LAMC2: variants seen among roughly 807,000 people sequenced by gnomAD.
The protein encoded by LAMC2 is laminin subunit gamma 2, also known as laminin subunit gamma-2.
In LAMC2, 97 loss-of-function variants were observed where a neutral mutation model predicts 140.2. The observed-to-expected ratio is 0.69, with a 90% CI of 0.59 to 0.82. The LOEUF (loss-of-function observed/expected upper bound fraction) is 0.82, where lower values mean the gene tolerates loss of function less well. Ranked by LOEUF, LAMC2 falls within the 40% of genes least tolerant of loss-of-function variation. The pLI, the probability that LAMC2 is intolerant of heterozygous loss-of-function variation, is 0.00. For missense variants in LAMC2, 1,402 were observed against 1,476.1 expected, an observed-to-expected ratio of 0.95 and a Z score of 0.82; for synonymous variants, 513 against 540.2, an observed-to-expected ratio of 0.95 and a Z score of 0.70.
chr1:183,203,289 C>A (rs138606937), intron 1 of LAMC2, among the ~76,000 whole-genome samples: 35 of 152,304 alleles, frequency 2.3e-4, no homozygotes, highest in African/African-American at 7.2e-4. Flanking sequence ...AGAATCCCCA[C>A]CACTTCCTGT....
Position 183,227,657 on chromosome 1 carries a change from G to C in LAMC2, c.1428G>C (p.Thr476=). The change falls in exon 10 of 23, where the codon ACG becomes ACC. Residue 476 remains threonine (T), a synonymous_variant. Coordinates refer to ENST00000264144, the MANE Select transcript of LAMC2 (RefSeq NM_005562.3). ...TCAGCTGCTCAGTGATGCCGGAGAC[G>C]GAGGAGGTGGTGTGCAATAACTGCC... ...NGFSCSVMPE[T]EEVVCNNCPP... 1 of 1,614,126 alleles carries C rather than the reference G, an allele frequency of 6.2e-7. No homozygotes were observed. The highest frequency in any genetic ancestry group is 1.1e-5 in the South Asian group (1 of 91,076).
rs1458701504 is a variant in LAMC2 at position 183,215,591 on chromosome 1, G to A, written c.404+3G>A. The A allele has an allele frequency of 6.2e-7, 1 of 1,614,122 alleles. No individual in the cohort carries two copies. On this transcript the variant is annotated splice_donor_region_variant and intron_variant, in intron 3 of 22. Coordinates refer to ENST00000264144, the MANE Select transcript of LAMC2 (RefSeq NM_005562.3). ...TGCACCCAAGACCAGAGACTGCTGT[G>A]AGTATTTGCATCCCACCATGGCTGT...
In LAMC2 at chr1:183,222,644, T is replaced by C. The variant is rs150019522; in HGVS notation, c.763+433T>C. Among the ~76,000 whole-genome samples the C allele has an allele frequency of 5.3e-3, 811 of 152,218 alleles. 5 individuals are homozygous for C. Among genetic ancestry groups the C allele is most frequent in the Middle Eastern group, 0.024 (7 of 294 alleles). ...TTGGTGGAAAAGCGCTGGCTAGAATTCCGATCCCAGTTCGTTTCCTTAGCT... is the reference window on the plus strand; with the variant it reads ...TTGGTGGAAAAGCGCTGGCTAGAATCCCGATCCCAGTTCGTTTCCTTAGCT... On this transcript the variant is annotated intron_variant, in intron 6 of 22. Coordinates refer to ENST00000264144, the MANE Select transcript of LAMC2 (RefSeq NM_005562.3).
rs1571541679 is a variant in LAMC2, at chr1:183,239,370, A to C, written c.2876A>C (p.Asp959Ala). The C allele has an allele frequency of 6.2e-7, 1 of 1,613,974 alleles. No homozygotes were observed. Among genetic ancestry groups the C allele is most frequent in the South Asian group, 1.1e-5 (1 of 91,082 alleles). Residue 959 changes from aspartate (D) to alanine (A), a missense_variant, in exon 20 of 23, where the codon GAC (aspartate) becomes GCC (alanine). Asp to Ala is a moderately radical substitution (Grantham distance 126, BLOSUM62 -2). Transcript: ENST00000264144. ...ESILKNLREF[D>A]LQVDNRKAEA... The stretch of plus-strand genomic sequence containing the variant: ...TTTCTTTTCTTCATTTCAGAGTTTG[A>C]CCTGCAGGTGGACAACAGAAAAGCA...
chr1:183,200,268 TAA>T (rs777893212), intron 1 of LAMC2, among the ~76,000 whole-genome samples: 60 of 152,008 alleles, frequency 3.9e-4, no homozygotes, highest in Non-Finnish European at 7.2e-4. Context: ...TGGGTGCCTG[TAA>T]TCCCAGCTAC....
chr1:183,225,995 A>T (rs1659613871), intron 8 of LAMC2, among the ~76,000 whole-genome samples: 1 of 152,228 alleles, frequency 6.6e-6, no homozygotes, highest in Non-Finnish European at 1.5e-5. Flanking sequence ...TTAAGTGAGA[A>T]AGATAATCTA....
chr1:183,191,208 G>A (rs1457719280), intron 1 of LAMC2, among the ~76,000 whole-genome samples: 1 of 151,648 alleles, frequency 6.6e-6, no homozygotes, highest in Admixed American at 6.6e-5. Flanking sequence ...TTTTTCCTGA[G>A]GGATAATTTT....
chr1:183,232,611 C>T, intron 13 of LAMC2, 41 bp from the exon 14 acceptor site: 1 of 1,557,350 alleles, frequency 6.4e-7, no homozygotes, highest in South Asian at 1.1e-5. Context: ...TCTATGCTGA[C>T]CCAGAAAGTG....
the LAMC2 span, chr1:183,252,353 C>G: frequency 1.2e-5 from 5 of 406,504 alleles, no homozygotes; most frequent in South Asian, 1.3e-4. Flanking sequence ...CTCTCTAGAG[C>G]ATGCTGGGAG....
At chr1:183,236,236 A>G (rs1386245577) in intron 16 of LAMC2, among the ~76,000 whole-genome samples, 13 of 151,698 alleles carry the variant, frequency 8.6e-5, no homozygotes, top group African/African-American at 2.2e-4. Flanking sequence ...TTAAAAAAAA[A>G]GGGGGGGCCA....
At chr1:183,242,710 T>C (rs1189430355) in intron 22 of LAMC2, among the ~76,000 whole-genome samples, 2 of 152,208 alleles carry the variant, frequency 1.3e-5, no homozygotes. Context: ...GGTCTTCTAA[T>C]AGAAAACAGC....
At chr1:183,231,225 T>G in intron 12 of LAMC2, 122 bp downstream of exon 12, 1 of 1,145,154 alleles carries the variant, frequency 8.7e-7, no homozygotes, top group East Asian at 2.4e-5. Flanking sequence ...TAGTGATTAC[T>G]ATTTCTGTCT....
At chr1:183,199,023 G>A (rs1215099741) in intron 1 of LAMC2, among the ~76,000 whole-genome samples, 1 of 150,262 alleles carries the variant, frequency 6.7e-6, no homozygotes, top group Non-Finnish European at 1.5e-5. Context: ...TTTGTGTAAT[G>A]TATTGGGGAA....
intron 1 of LAMC2, among the ~76,000 whole-genome samples, chr1:183,201,475 T>A (rs1658704872): frequency 6.6e-6 from 1 of 152,186 alleles, no homozygotes; most frequent in Non-Finnish European, 1.5e-5. Context: ...CCACCCTCCC[T>A]AACTCCATTT....
At chr1:183,258,739 C>A in the LAMC2 span, among the ~76,000 whole-genome samples, 1 of 152,084 alleles carries the variant, frequency 6.6e-6, no homozygotes, top group Non-Finnish European at 1.5e-5. Context: ...ACTTGATGGA[C>A]CAGCTGGCAC....
At chr1:183,234,339 G>T (rs764910210) in intron 14 of LAMC2, 28 bp from the exon 15 acceptor site, 4 of 1,582,594 alleles carry the variant, frequency 2.5e-6, no homozygotes, top group Non-Finnish European at 3.5e-6. Flanking sequence ...TAACCGATTC[G>T]CCTTAACCGA....
chr1:183,206,018 A>T (rs1658874362), intron 1 of LAMC2, among the ~76,000 whole-genome samples: 1 of 152,184 alleles, frequency 6.6e-6, no homozygotes, highest in African/African-American at 2.4e-5. Context: ...TGCAATGGTA[A>T]ACTCAATCTT....
chr1:183,227,489 C>T (rs745481665), intron 9 of LAMC2, 26 bp from the exon 10 acceptor site: 2 of 1,600,812 alleles, frequency 1.2e-6, no homozygotes. Flanking sequence ...CACTTCTCTG[C>T]CCCTCCACTC....
the LAMC2 span, among the ~76,000 whole-genome samples, chr1:183,256,147 C>T: frequency 1.3e-4 from 20 of 151,988 alleles, no homozygotes; most frequent in African/African-American, 4.8e-4. Flanking sequence ...GTGGCTCACG[C>T]GTGTAATCCC....
Sources: gnomAD v4.1 joint callset for allele counts (sites outside exome capture counted in the v4.1 genomes callset) on GRCh38, gnomAD v4.1.1 for gene constraint, MANE v1.5 for transcripts, NCBI Gene and HGNC (gene_info 2026-07-23, HGNC 2026-07-21) for gene names.